The following KIAA0319L variants were observed in gnomAD, a reference collection of about 807,000 sequenced individuals.
KIAA0319L encodes the protein KIAA0319 like.
A neutral mutation model predicts 120.1 loss-of-function variants in KIAA0319L; 55 were observed. The ratio of observed to expected loss-of-function variants is 0.46; its 90% CI spans 0.37 to 0.57. The LOEUF (loss-of-function observed/expected upper bound fraction) is 0.57. KIAA0319L is among the 20% of genes least tolerant of loss of function. The probability of loss-of-function intolerance (pLI) is 0.00; values close to 1 mark genes in which losing one functional copy is unlikely to be tolerated. For missense variants in KIAA0319L, 1,049 were observed against 1,255.3 expected (o/e 0.84, Z 2.48); for synonymous variants, 398 against 471.9 (o/e 0.84, Z 2.03).
Position 35,454,744 on chromosome 1 carries a change from G to A in KIAA0319L, c.1657-259C>T, listed in dbSNP as rs1570655715. ...TAAAGCCAGAACTCTCATAAGAGAGGGCAGTATTGGGAAATGTGCAGAGAT... is the reference window on the plus strand; with the variant it reads ...TAAAGCCAGAACTCTCATAAGAGAGAGCAGTATTGGGAAATGTGCAGAGAT... On this transcript the variant is annotated intron_variant, in intron 10 of 20. Transcript: ENST00000325722. The A allele has an allele frequency of 4.5e-6, 3 of 669,162 alleles. No individual in the cohort carries two copies. The East Asian group carries it at 1.2e-4, about 26-fold the overall frequency. The allele number at this position is 669,162 out of a possible 1,614,324, so 41.5% of individuals were successfully genotyped here.
At chr1:35,532,045 G>C (rs1646388688) in intron 2 of KIAA0319L, among the ~76,000 whole-genome samples, 1 of 152,096 alleles carries the variant, frequency 6.6e-6, no homozygotes, top group African/African-American at 2.4e-5. Context: ...CGGATCACTT[G>C]AGGTCAGGAG....
chr1:35,478,838 G>C (rs1330437099), intron 4 of KIAA0319L, 128 bp downstream of exon 4: 1 of 1,139,512 alleles, frequency 8.8e-7, no homozygotes, highest in East Asian at 2.4e-5. Flanking sequence ...CAGGGGCAAT[G>C]ACAGAGTTAT....
intron 18 of KIAA0319L, 103 bp downstream of exon 18, chr1:35,442,800 TCTC>T (rs1641322749): frequency 7.4e-7 from 1 of 1,357,024 alleles, no homozygotes; most frequent in Non-Finnish European, 1.0e-6. Flanking sequence ...ACAAAGTTCT[TCTC>T]CTTGCCTGCT....
chr1:35,545,013 G>GT (rs772951706), intron 2 of KIAA0319L, among the ~76,000 whole-genome samples: 6 of 152,204 alleles, frequency 3.9e-5, no homozygotes, highest in Non-Finnish European at 7.3e-5. Flanking sequence ...AAGCGGAGAT[G>GT]TGAGTTTGGC....
Position 35,457,194 on chromosome 1 carries a change from G to C in KIAA0319L, c.1428-953C>G, listed in dbSNP as rs1419538768. 2.0e-5 allele frequency among the ~76,000 whole-genome samples: 3 copies of C among 152,172 alleles called. No homozygotes were observed. In the East Asian group the frequency reaches 5.8e-4, roughly 29 times the overall value. On this transcript the variant is annotated intron_variant, in intron 9 of 20. Coordinates refer to ENST00000325722, the MANE Select transcript of KIAA0319L (RefSeq NM_024874.5). ...AAGTAACCCACCCAAGGGCTATATA[G>C]TGAGCCAAGATGCAAGCATAGTTCT...
Position 35,456,169 on chromosome 1 carries a change from A to G in KIAA0319L, c.1500T>C (p.Asp500=). 6.2e-7 allele frequency: 1 copy of G among 1,613,490 alleles called. No homozygotes were observed. Among genetic ancestry groups the G allele is most frequent in the Non-Finnish European group, 8.5e-7 (1 of 1,179,662 alleles). Residue 500 remains aspartate, a synonymous_variant, in exon 10 of 21, where the codon GAT becomes GAC. Transcript: ENST00000325722. Reference sequence around the variant, plus strand: ...GGCCTGCGTTGGCCACAGGGGGGTAATCCACAGCTTTGTTCACTGTCAGGT... The same window carrying G: ...GGCCTGCGTTGGCCACAGGGGGGTAGTCCACAGCTTTGTTCACTGTCAGGT... ...TANLTVNKAV[D]YPPVANAGPN...
chr1:35,505,659 A>G (rs973180871), intron 3 of KIAA0319L, among the ~76,000 whole-genome samples: 34 of 152,210 alleles, frequency 2.2e-4, no homozygotes, highest in Non-Finnish European at 1.3e-4. Context: ...GTTTATGGGC[A>G]TATTAAATCT....
intron 2 of KIAA0319L, among the ~76,000 whole-genome samples, chr1:35,532,365 T>TA (rs1646404240): frequency 6.6e-6 from 1 of 152,118 alleles, no homozygotes; most frequent in South Asian, 2.1e-4. Context: ...TGTTCAATAA[T>TA]AAAAATACGA....
In KIAA0319L at chr1:35,437,208, T is replaced by C. The variant is rs1220557626; in HGVS notation, c.2963-2127A>G. On this transcript the variant is annotated intron_variant, in intron 20 of 20. Transcript: ENST00000325722. The surrounding 1 kb of genome is among the most constrained non-coding windows in gnomAD (Gnocchi z 4.1). ...GATGTCCGATGTGCTGAGCTCAGGC[T>C]CCCATCCAATCTCACCTCTGCAGCG... Among the ~76,000 whole-genome samples the C allele has an allele frequency of 6.6e-6, 1 of 151,884 alleles. No individual in the cohort carries two copies. Among genetic ancestry groups the C allele is most frequent in the Non-Finnish European group, 1.5e-5 (1 of 67,968 alleles).
At chr1:35,481,681 A>C (rs1644170123) in intron 3 of KIAA0319L, among the ~76,000 whole-genome samples, 1 of 152,090 alleles carries the variant, frequency 6.6e-6, no homozygotes, top group Non-Finnish European at 1.5e-5. Context: ...CAATTTGATA[A>C]ATTTTTATGT....
chr1:35,477,044 C>CCTG (rs1643918504), intron 4 of KIAA0319L, among the ~76,000 whole-genome samples: 1 of 152,060 alleles, frequency 6.6e-6, no homozygotes, highest in African/African-American at 2.4e-5. Flanking sequence ...TTGAGTAATA[C>CCTG]CCCACAAGGA....
At chr1:35,549,658 A>G (rs572397800) in intron 2 of KIAA0319L, among the ~76,000 whole-genome samples, 13 of 152,298 alleles carry the variant, frequency 8.5e-5, no homozygotes, top group African/African-American at 2.9e-4. Context: ...ACATGCACAC[A>G]TAACTCTTCA....
chr1:35,451,935 G>A (rs1642096561), intron 12 of KIAA0319L, 159 bp from the exon 13 acceptor site: 1 of 772,508 alleles, frequency 1.3e-6, no homozygotes, highest in African/African-American at 1.8e-5. Context: ...TGGACAAAGT[G>A]TCATTTGGCC....
intron 3 of KIAA0319L, among the ~76,000 whole-genome samples, chr1:35,494,729 T>A (rs1008067001): frequency 6.6e-6 from 1 of 151,824 alleles, no homozygotes; most frequent in South Asian, 2.1e-4. Context: ...GAGAATCACC[T>A]GAGCCCGGAA....
intron 1 of KIAA0319L, among the ~76,000 whole-genome samples, chr1:35,556,085 T>G (rs1647978903): frequency 6.6e-6 from 1 of 152,220 alleles, no homozygotes; most frequent in Non-Finnish European, 1.5e-5. Flanking sequence ...AATAGTTTGT[T>G]ACTGAATCAA....
At chr1:35,450,743 A>C (rs1642000876) in intron 13 of KIAA0319L, among the ~76,000 whole-genome samples, 2 of 152,218 alleles carry the variant, frequency 1.3e-5, no homozygotes, top group Admixed American at 1.3e-4. Context: ...AGAGGGGACG[A>C]GTGTGCTTTC....
intron 16 of KIAA0319L, among the ~76,000 whole-genome samples, chr1:35,446,301 T>C (rs1641618675): frequency 6.6e-6 from 1 of 152,136 alleles, no homozygotes; most frequent in South Asian, 2.1e-4. Context: ...CTCCACCATC[T>C]CCTTTTCCTC....
At chr1:35,445,822 C>T (rs1641578292) in intron 16 of KIAA0319L, among the ~76,000 whole-genome samples, 1 of 152,192 alleles carries the variant, frequency 6.6e-6, no homozygotes, top group Admixed American at 6.5e-5. Context: ...CAATCCAGTA[C>T]AAGCCAGAAG....
chr1:35,460,404 T>C lies in KIAA0319L; in HGVS notation c.1328A>G (p.His443Arg). Residue 443 changes from histidine (H) to arginine (R), a missense_variant, in exon 9 of 21, where the codon CAT becomes CGT. Transcript: ENST00000325722. ...TAGAGGCCCCTTAAGTTCTTCCCAA[T>C]GGTACTGAACGATTTTATCATCATC... Reference protein sequence around the residue: ...STDDDKIVQYHWEELKGPLRE... With the variant: ...STDDDKIVQYRWEELKGPLRE... 1 of 1,613,192 alleles carries C rather than the reference T, an allele frequency of 6.2e-7. No individual in the cohort carries two copies. Among genetic ancestry groups the C allele is most frequent in the South Asian group, 1.1e-5 (1 of 91,062 alleles).
Sources: gnomAD v4.1 joint callset for allele counts (sites outside exome capture counted in the v4.1 genomes callset) on GRCh38, gnomAD v4.1.1 for gene constraint, Gnocchi (gnomAD v3.1) non-coding constraint, MANE v1.5 for transcripts, NCBI Gene and HGNC (gene_info 2026-07-23, HGNC 2026-07-21) for gene names.